Variants in FGF1 observed in about 807,000 individuals in gnomAD.
The protein encoded by FGF1 is fibroblast growth factor 1.
A neutral mutation model predicts 13.4 loss-of-function variants in FGF1; 9 were observed. The observed-to-expected ratio is 0.67, with a 90% CI of 0.40 to 1.17. The LOEUF is 1.17. Ranked by LOEUF, FGF1 falls within the 50% of genes most tolerant of loss-of-function variation. The probability of loss-of-function intolerance (pLI) is 0.01; values close to 1 mark genes in which losing one functional copy is unlikely to be tolerated. For synonymous variants in FGF1, 93 were observed against 79.0 expected, an observed-to-expected ratio of 1.18 and a Z score of -0.94; for missense variants, 156 against 192.7, an observed-to-expected ratio of 0.81 and a Z score of 1.13.
upstream of FGF1, among the ~76,000 whole-genome samples, chr5:142,688,550 C>T (rs190299074): frequency 5.4e-4 from 83 of 152,314 alleles, no homozygotes; most frequent in African/African-American, 1.8e-3. Flanking sequence ...TATGCTAGAT[C>T]GTATGCAGAA....
chr5:142,612,520 C>T (rs1432458818), intron 2 of FGF1, among the ~76,000 whole-genome samples: 1 of 152,132 alleles, frequency 6.6e-6, no homozygotes, highest in African/African-American at 2.4e-5. Context: ...GGGCAGATCA[C>T]GTGAGTTGTG....
intron 1 of FGF1, among the ~76,000 whole-genome samples, chr5:142,667,356 G>T (rs1770588623): frequency 6.6e-6 from 1 of 152,060 alleles, no homozygotes; most frequent in African/African-American, 2.4e-5. Flanking sequence ...GGAGGCCGAG[G>T]TGGGCGGGTC....
At chr5:142,629,560 C>T (rs558630444) in intron 1 of FGF1, among the ~76,000 whole-genome samples, 1 of 152,272 alleles carries the variant, frequency 6.6e-6, no homozygotes, top group South Asian at 2.1e-4. Flanking sequence ...GCCCTCCTGA[C>T]TTCCTTGTCC....
chr5:142,617,045 T>C (rs1760392753), intron 1 of FGF1, among the ~76,000 whole-genome samples: 2 of 151,978 alleles, frequency 1.3e-5, no homozygotes, highest in Admixed American at 1.3e-4. Context: ...CATTTGCCTC[T>C]GATTGTGGGG....
chr5:142,610,243 C>T (rs1244786216), intron 2 of FGF1, among the ~76,000 whole-genome samples: 1 of 152,108 alleles, frequency 6.6e-6, no homozygotes, highest in African/African-American at 2.4e-5. Flanking sequence ...ATTTAGCTGC[C>T]ACCAATACAA....
chr5:142,592,632 G>GCATGT lies in FGF1; in HGVS notation c.*2653_*2657dup, dbSNP rs1174281448. On this transcript the variant is annotated 3_prime_UTR_variant, in exon 4 of 4. Transcript: ENST00000337706. Reference sequence around the variant, plus strand: ...AATGTCCCCAGGTTAATAAACTAGAGCATGTTCAAAACAGAGCAGGGAACT... The same window carrying GCATGT: ...AATGTCCCCAGGTTAATAAACTAGAGCATGTCATGTTCAAAACAGAGCAGGGAACT... 2 of 393,916 alleles carry GCATGT rather than the reference G, an allele frequency of 5.1e-6. No homozygotes were observed. Among genetic ancestry groups the GCATGT allele is most frequent in the Admixed American group, 4.4e-5 (1 of 22,602 alleles). The allele number at this position is 393,916 out of a possible 1,614,324, so 24.4% of individuals were successfully genotyped here.
chr5:142,685,054 G>A (rs17223149), intron 1 of FGF1, among the ~76,000 whole-genome samples: 8 of 152,184 alleles, frequency 5.3e-5, no homozygotes, highest in Non-Finnish European at 8.8e-5. Flanking sequence ...TGAAAAGTGC[G>A]TACTTGATTA....
chr5:142,693,621 A>G (rs1752592194), intron 2 of FGF1, among the ~76,000 whole-genome samples: 1 of 152,196 alleles, frequency 6.6e-6, no homozygotes, highest in Non-Finnish European at 1.5e-5. Context: ...CGGCCATCAC[A>G]ACTATAATTT....
intron 1 of FGF1, among the ~76,000 whole-genome samples, chr5:142,637,597 G>A (rs1764495850): frequency 6.6e-6 from 1 of 152,008 alleles, no homozygotes; most frequent in Admixed American, 6.5e-5. Context: ...GGGATTACAG[G>A]TGTGAGCCAC....
chr5:142,695,513 C>T (rs1360614680), intron 2 of FGF1, among the ~76,000 whole-genome samples: 4 of 145,742 alleles, frequency 2.7e-5, no homozygotes, highest in East Asian at 2.1e-4. Context: ...ACCTGGGAGG[C>T]GGAGGTTGCA....
chr5:142,645,425 TAGA>T (rs1437633868), intron 1 of FGF1, among the ~76,000 whole-genome samples: 6 of 152,110 alleles, frequency 3.9e-5, no homozygotes, highest in Admixed American at 2.6e-4. Flanking sequence ...TGGAAGGTGG[TAGA>T]AGGAGTGGAT....
rs17223234 is a variant in FGF1, at chr5:142,670,866, G to A, written c.-35+15091C>T. Among the ~76,000 whole-genome samples the A allele has an allele frequency of 3.6e-3, 546 of 152,232 alleles. 4 individuals are homozygous for A. Among genetic ancestry groups the A allele is most frequent in the African/African-American group, 0.012 (480 of 41,536 alleles). On this transcript the variant is annotated intron_variant, in intron 1 of 3. Transcript: ENST00000337706. Reference sequence around the variant, plus strand: ...ATTTCGGTTTTGAGAGCACACTATTGCACATACACTAAGATGTTTCTGAGT... The same window carrying A: ...ATTTCGGTTTTGAGAGCACACTATTACACATACACTAAGATGTTTCTGAGT...
chr5:142,698,034 G>A (rs1006534606), upstream of FGF1: 2 of 152,212 alleles, frequency 1.3e-5, no homozygotes, highest in Non-Finnish European at 2.9e-5. Flanking sequence ...AAAGGCTAAG[G>A]ACAAGCACTG....
At chr5:142,688,272 A>T (rs1403274185), upstream of FGF1, among the ~76,000 whole-genome samples, 1 of 152,180 alleles carries the variant, frequency 6.6e-6, no homozygotes, top group Non-Finnish European at 1.5e-5. Flanking sequence ...ATTTTTTAAA[A>T]TTTCATTATA....
intron 1 of FGF1, among the ~76,000 whole-genome samples, chr5:142,667,729 G>A (rs1257780739): frequency 2.0e-5 from 3 of 152,266 alleles, no homozygotes; most frequent in Non-Finnish European, 2.9e-5. Flanking sequence ...TAAATATGCT[G>A]AAGGCCTCGG....
intron 2 of FGF1, among the ~76,000 whole-genome samples, chr5:142,696,666 T>C (rs1753157375): frequency 1.3e-5 from 2 of 152,158 alleles, no homozygotes; most frequent in South Asian, 4.1e-4. Flanking sequence ...CATGATGCCA[T>C]CATCTAGGCC....
chr5:142,614,827 G>A (rs1365030462), intron 1 of FGF1, among the ~76,000 whole-genome samples: 1 of 152,106 alleles, frequency 6.6e-6, no homozygotes, highest in African/African-American at 2.4e-5. Flanking sequence ...CAAAGGAAAT[G>A]TTATGAGACA....
chr5:142,671,873 G>C (rs1327540417), intron 1 of FGF1: 3 of 152,156 alleles, frequency 2.0e-5, no homozygotes, highest in Non-Finnish European at 4.4e-5. Context: ...GGGAAACTGA[G>C]GCTCAGAAAA....
chr5:142,672,270 C>T (rs548130531), intron 1 of FGF1, among the ~76,000 whole-genome samples: 90 of 152,178 alleles, frequency 5.9e-4, no homozygotes, highest in African/African-American at 2.0e-3. Flanking sequence ...TTTTCTATTT[C>T]CTATAATGAG....
Sources: allele counts gnomAD v4.1 joint callset (sites outside exome capture counted in the v4.1 genomes callset), GRCh38; gene constraint gnomAD v4.1.1; transcripts MANE v1.5; gene names NCBI Gene and HGNC (gene_info 2026-07-23, HGNC 2026-07-21).